SGIP1: variants seen among roughly 807,000 people sequenced by gnomAD.
SGIP1 encodes SH3-containing GRB2-like protein 3-interacting protein 1.
A neutral mutation model predicts 107.5 loss-of-function variants in SGIP1; 38 were observed. That is an observed-to-expected ratio of 0.35 (90% CI 0.27 to 0.46). The LOEUF is 0.46. SGIP1 is among the 20% of genes least tolerant of loss of function. The pLI, the probability that SGIP1 is intolerant of heterozygous loss-of-function variation, is 1.00. For synonymous variants in SGIP1, 365 were observed against 366.1 expected, an observed-to-expected ratio of 1.00 and a Z score of 0.03; for missense variants, 929 against 1,019.5, an observed-to-expected ratio of 0.91 and a Z score of 1.21.
At chr1:66,725,919 G>A (rs1161976179) in intron 19 of SGIP1, among the ~76,000 whole-genome samples, 4 of 152,226 alleles carry the variant, frequency 2.6e-5, no homozygotes, top group African/African-American at 7.2e-5. Flanking sequence ...GATGGCAGTG[G>A]AGAAGGTGTG....
At chr1:66,731,463 A>G (rs2094005649) in intron 20 of SGIP1, among the ~76,000 whole-genome samples, 1 of 152,208 alleles carries the variant, frequency 6.6e-6, no homozygotes, top group Non-Finnish European at 1.5e-5. Context: ...TATACATAGA[A>G]TCAAACATCA....
chr1:66,598,314 C>A (rs1458194225), intron 1 of SGIP1, among the ~76,000 whole-genome samples: 1 of 152,132 alleles, frequency 6.6e-6, no homozygotes, highest in East Asian at 1.9e-4. Flanking sequence ...TTCAAAGCCC[C>A]TGAGTACCTA....
In SGIP1 at chr1:66,745,807, C is replaced by A. The variant is rs1481531735; in HGVS notation, c.*2712C>A. ...TTGGCAACATGGAAATTTTGTTTTT[C>A]TTTTCCAATAAAATCCATATTTTCG... On this transcript the variant is annotated 3_prime_UTR_variant, in exon 25 of 25. Coordinates refer to ENST00000371037, the MANE Select transcript of SGIP1 (RefSeq NM_032291.4). 1 of 151,936 alleles carries A rather than the reference C, an allele frequency of 6.6e-6. No individual in the cohort carries two copies. Among genetic ancestry groups the A allele is most frequent in the African/African-American group, 2.4e-5 (1 of 41,430 alleles). 9.4% of individuals were successfully genotyped at this position (151,936 alleles called of 1,614,324 possible). A position where few individuals can be genotyped will look rare whatever the true frequency, so the allele number is the denominator to read the frequency against.
chr1:66,705,662 T>A (rs1162965080), intron 18 of SGIP1, among the ~76,000 whole-genome samples: 2 of 152,098 alleles, frequency 1.3e-5, no homozygotes, highest in Non-Finnish European at 2.9e-5. Flanking sequence ...TATTTATCAG[T>A]CCCATTGGGA....
intron 1 of SGIP1, among the ~76,000 whole-genome samples, chr1:66,544,330 G>A (rs1484251783): frequency 6.6e-6 from 1 of 152,160 alleles, no homozygotes; most frequent in Non-Finnish European, 1.5e-5. Context: ...TGGCACATGA[G>A]ATGATATTAC....
chr1:66,656,247 G>T (rs1157249130), intron 7 of SGIP1, among the ~76,000 whole-genome samples: 1 of 152,166 alleles, frequency 6.6e-6, no homozygotes, highest in Admixed American at 6.5e-5. Flanking sequence ...GCCTGCAGGG[G>T]CAATAACACA....
rs760475742 is a variant in SGIP1 at position 66,682,033 on chromosome 1, T to TAACA, written c.979_980insAACA (p.Leu327Ter). 6.2e-7 allele frequency: 1 copy of TAACA among 1,614,034 alleles called. No homozygotes were observed. Among genetic ancestry groups the TAACA allele is most frequent in the Non-Finnish European group, 8.5e-7 (1 of 1,180,014 alleles). The stretch of plus-strand genomic sequence containing the variant: ...ATCCCCGGAACATGTTACTCCGGAG[T>TAACA]TGACTCCAAGGGAAAAAGTGGTGTC... On this transcript the variant is annotated stop_gained and frameshift_variant, in exon 15 of 25. Transcript: ENST00000371037. LOFTEE classifies it high-confidence loss of function.
chr1:66,563,362 A>G lies in SGIP1; in HGVS notation c.10+28994A>G, dbSNP rs569892830. Among the ~76,000 whole-genome samples the G allele has an allele frequency of 2.6e-5, 4 of 152,148 alleles. No homozygotes were observed. The East Asian group carries it at 7.8e-4, about 30-fold the overall frequency. ...AGGAACATGCCATGTTGCAGCAAGA[A>G]GAAACTTTCAAGACACAAATCTAGT... On this transcript the variant is annotated intron_variant, in intron 1 of 24. Coordinates refer to ENST00000371037, the MANE Select transcript of SGIP1 (RefSeq NM_032291.4).
intron 12 of SGIP1, among the ~76,000 whole-genome samples, chr1:66,673,806 A>G (rs939833721): frequency 3.3e-5 from 5 of 152,100 alleles, no homozygotes; most frequent in African/African-American, 4.8e-5. Flanking sequence ...GAAGGCATCA[A>G]TTGGATTGCT....
At chr1:66,641,290 C>T (rs1216051884) in intron 5 of SGIP1, among the ~76,000 whole-genome samples, 1 of 152,038 alleles carries the variant, frequency 6.6e-6, no homozygotes, top group African/African-American at 2.4e-5. Flanking sequence ...ATATGCATAT[C>T]AAAACATATT....
intron 18 of SGIP1, among the ~76,000 whole-genome samples, chr1:66,697,474 C>T (rs1245775256): frequency 6.6e-6 from 1 of 152,022 alleles, no homozygotes; most frequent in African/African-American, 2.4e-5. Flanking sequence ...GGACTTTGTT[C>T]AAGTTTAAGT....
intron 18 of SGIP1, 48 bp from the exon 19 acceptor site, chr1:66,719,246 A>C (rs1443446902): frequency 1.6e-6 from 2 of 1,275,936 alleles, no homozygotes; most frequent in South Asian, 2.6e-5. Flanking sequence ...ACATATACTA[A>C]AGTGTCTCCT....
At chr1:66,619,277 C>T (rs563159013) in intron 1 of SGIP1, among the ~76,000 whole-genome samples, 1 of 152,138 alleles carries the variant, frequency 6.6e-6, no homozygotes, top group Non-Finnish European at 1.5e-5. Flanking sequence ...ATTTTAAAGG[C>T]AGTACATTTA....
intron 19 of SGIP1, among the ~76,000 whole-genome samples, chr1:66,721,569 C>A (rs549804437): frequency 6.6e-6 from 1 of 152,080 alleles, no homozygotes; most frequent in African/African-American, 2.4e-5. Flanking sequence ...CCACCACACC[C>A]GGCTAATTTT....
chr1:66,576,518 G>A lies in SGIP1; in HGVS notation c.10+42150G>A, dbSNP rs181871307. Among the ~76,000 whole-genome samples the A allele has an allele frequency of 1.8e-3, 274 of 152,212 alleles. 2 individuals are homozygous for A. The highest frequency in any genetic ancestry group is 2.9e-3 in the Non-Finnish European group (194 of 68,006). On this transcript the variant is annotated intron_variant, in intron 1 of 24. Coordinates refer to ENST00000371037, the MANE Select transcript of SGIP1 (RefSeq NM_032291.4). Reference sequence around the variant, plus strand: ...TGGCTCATGGTAAGGATTTATAGAGGTAATAAAACCAATGCACATGTGAAC... The same window carrying A: ...TGGCTCATGGTAAGGATTTATAGAGATAATAAAACCAATGCACATGTGAAC...
chr1:66,653,470 T>A (rs1408400671), intron 7 of SGIP1, among the ~76,000 whole-genome samples: 1 of 152,154 alleles, frequency 6.6e-6, no homozygotes, highest in African/African-American at 2.4e-5. Context: ...TTAATGTTGG[T>A]TGTACCTTCT....
intron 1 of SGIP1, chr1:66,615,991 C>A (rs1053593933): frequency 1.4e-4 from 21 of 152,204 alleles, no homozygotes; most frequent in African/African-American, 5.1e-4. Context: ...GTAGAAGGAG[C>A]ACTGACCTAC....
At chr1:66,579,249 G>A (rs1212456460) in intron 1 of SGIP1, among the ~76,000 whole-genome samples, 12 of 152,076 alleles carry the variant, frequency 7.9e-5, no homozygotes, top group Non-Finnish European at 2.9e-5. Context: ...GCTGTTTCCC[G>A]AAGCTACATG....
intron 19 of SGIP1, among the ~76,000 whole-genome samples, chr1:66,722,443 T>C (rs2093583911): frequency 6.6e-6 from 1 of 152,152 alleles, no homozygotes; most frequent in Admixed American, 6.6e-5. Flanking sequence ...GTAAATACCA[T>C]GAGAGCTGGA....
Sources: gnomAD v4.1 joint callset for allele counts (sites outside exome capture counted in the v4.1 genomes callset) on GRCh38, gnomAD v4.1.1 for gene constraint, MANE v1.5 for transcripts, NCBI Gene and HGNC (gene_info 2026-07-23, HGNC 2026-07-21) for gene names.